Variants in CEP128 observed in about 807,000 individuals in gnomAD.
CEP128 encodes centrosomal protein 128, also known as centrosomal protein 128kDa.
CEP128 carries 132 observed loss-of-function variants against 156.7 expected under a neutral mutation model. That is an observed-to-expected ratio of 0.84 (90% confidence interval 0.73 to 0.97). CEP128 has a LOEUF of 0.97. Among genes scored for constraint, CEP128 ranks in the 50% least tolerant of loss-of-function variants. The probability of loss-of-function intolerance (pLI) is 0.00; values close to 1 mark genes in which losing one functional copy is unlikely to be tolerated. For synonymous variants in CEP128, 469 were observed against 448.9 expected (o/e 1.04, Z -0.57); for missense variants, 1,252 against 1,281.9 (o/e 0.98, Z 0.36).
intron 13 of CEP128, among the ~76,000 whole-genome samples, chr14:80,794,821 C>T (rs1001729912): frequency 6.6e-6 from 1 of 151,824 alleles, no homozygotes; most frequent in African/African-American, 2.4e-5. Context: ...CTATAGACTA[C>T]AATGTGGCTG....
intron 19 of CEP128, among the ~76,000 whole-genome samples, chr14:80,736,657 T>G (rs909034657): frequency 6.6e-6 from 1 of 152,200 alleles, no homozygotes; most frequent in Non-Finnish European, 1.5e-5. Context: ...TTGAAAATCT[T>G]TATCTCTAAA....
chr14:80,517,267 G>C (rs945136701), intron 23 of CEP128, among the ~76,000 whole-genome samples: 2 of 151,354 alleles, frequency 1.3e-5, no homozygotes, highest in Non-Finnish European at 2.9e-5. Flanking sequence ...GACTTACTTT[G>C]GGTTTAATTT....
chr14:80,815,493 G>A (rs994064035), intron 13 of CEP128, among the ~76,000 whole-genome samples: 9 of 152,128 alleles, frequency 5.9e-5, no homozygotes, highest in Non-Finnish European at 1.2e-4. Context: ...ACAACCTTAT[G>A]GATTGTAGTA....
intron 19 of CEP128, among the ~76,000 whole-genome samples, chr14:80,705,090 T>C (rs1249856577): frequency 2.0e-5 from 3 of 151,238 alleles, no homozygotes; most frequent in Non-Finnish European, 3.0e-5. Flanking sequence ...ATAATGCCTT[T>C]ATCCCACCAA....
At chr14:80,919,804 C>T (rs563690971) in intron 2 of CEP128, among the ~76,000 whole-genome samples, 1 of 152,230 alleles carries the variant, frequency 6.6e-6, no homozygotes, top group South Asian at 2.1e-4. Context: ...TTTACTAAGA[C>T]AGAATCACAA....
chr14:80,721,879 T>C (rs80111689), intron 19 of CEP128, among the ~76,000 whole-genome samples: 4,261 of 152,306 alleles, frequency 0.028, 85 homozygotes, highest in Non-Finnish European at 0.042. Context: ...TAGGCAAGTG[T>C]TTAAGTTAGT....
chr14:80,736,059 CT>C (rs1898512397), intron 19 of CEP128, among the ~76,000 whole-genome samples: 3 of 152,056 alleles, frequency 2.0e-5, no homozygotes, highest in African/African-American at 7.2e-5. Context: ...TTGTGGACAT[CT>C]TTTGGCAGAG....
At chr14:80,723,559 A>G (rs938299880) in intron 19 of CEP128, among the ~76,000 whole-genome samples, 7 of 152,354 alleles carry the variant, frequency 4.6e-5, no homozygotes, top group African/African-American at 1.7e-4. Context: ...ACCATAAATT[A>G]TAGAGGGAAA....
In CEP128 at chr14:80,559,298, C is replaced by T. The variant is rs780246010; in HGVS notation, c.2861G>A (p.Arg954His). 4.4e-5 allele frequency: 70 copies of T among 1,601,088 alleles called. No homozygotes were observed. Among genetic ancestry groups the T allele is most frequent in the Middle Eastern group, 1.7e-4 (1 of 6,054 alleles). The change falls in exon 21 of 25, where the codon CGT becomes CAT. Residue 954 changes from arginine (R) to histidine (H), a missense_variant. Physicochemically the swap from Arg to His is conservative, Grantham distance 29. Coordinates refer to ENST00000555265, the MANE Select transcript of CEP128 (RefSeq NM_152446.5). ...KDEEMGSLQDRVIALETSTQV... is the reference protein window; with the variant it reads ...KDEEMGSLQDHVIALETSTQV... ...ACTTACCGTTTCTAATGCAATTACA[C>T]GGTCCTGCAAAGAAAGCATAATATA...
intron 13 of CEP128, among the ~76,000 whole-genome samples, chr14:80,826,725 CT>C (rs1885501660): frequency 6.6e-6 from 1 of 152,188 alleles, no homozygotes. Flanking sequence ...TCAATTATCA[CT>C]TTCAACATTT....
chr14:80,898,181 A>G (rs1889436689), intron 7 of CEP128, among the ~76,000 whole-genome samples: 2 of 152,196 alleles, frequency 1.3e-5, no homozygotes, highest in Non-Finnish European at 2.9e-5. Context: ...TTATTATTCA[A>G]TGTATGTTTT....
intron 21 of CEP128, among the ~76,000 whole-genome samples, chr14:80,533,158 G>A (rs755365500): frequency 5.9e-5 from 9 of 152,034 alleles, no homozygotes; most frequent in Non-Finnish European, 1.2e-4. Context: ...CACCGTATAT[G>A]CCATATTCAT....
At chr14:80,632,519 T>A (rs2140734467) in intron 19 of CEP128, among the ~76,000 whole-genome samples, 1 of 149,040 alleles carries the variant, frequency 6.7e-6, no homozygotes, top group South Asian at 2.1e-4. Context: ...TAATGAAAAT[T>A]ACAATGTTAT....
upstream of CEP128, among the ~76,000 whole-genome samples, chr14:80,944,822 C>CAAAAAAA (rs55662141): frequency 2.3e-4 from 8 of 34,660 alleles, no homozygotes; most frequent in African/African-American, 2.4e-4. Flanking sequence ...GAGTCTGTCT[C>CAAAAAAA]AAAAAAAAAA....
At chr14:80,839,916 C>A (rs1184369888) in intron 10 of CEP128, among the ~76,000 whole-genome samples, 1 of 152,084 alleles carries the variant, frequency 6.6e-6, no homozygotes. Context: ...AACCAAAGCC[C>A]ATATTGATCA....
intron 19 of CEP128, among the ~76,000 whole-genome samples, chr14:80,637,420 C>T (rs372442912): frequency 5.3e-5 from 8 of 152,232 alleles, no homozygotes; most frequent in African/African-American, 1.7e-4. Context: ...AAAGATGAGA[C>T]CTTGAAAGGA....
chr14:80,861,477 T>C (rs1887508834), intron 9 of CEP128, among the ~76,000 whole-genome samples: 1 of 152,118 alleles, frequency 6.6e-6, no homozygotes, highest in African/African-American at 2.4e-5. Context: ...GATATGATAC[T>C]ATGGGAAGGA....
chr14:80,635,836 G>A (rs534803150), intron 19 of CEP128, among the ~76,000 whole-genome samples: 6 of 152,244 alleles, frequency 3.9e-5, no homozygotes, highest in Non-Finnish European at 5.9e-5. Context: ...ACCTGACTTC[G>A]TGATAGGCTG....
intron 17 of CEP128, among the ~76,000 whole-genome samples, chr14:80,759,704 T>G (rs535646623): frequency 6.6e-6 from 1 of 152,256 alleles, no homozygotes; most frequent in East Asian, 1.9e-4. Flanking sequence ...GGGGAAGAAG[T>G]GTAAAACCCA....
Sources: gnomAD v4.1 joint callset for allele counts (sites outside exome capture counted in the v4.1 genomes callset) on GRCh38, gnomAD v4.1.1 for gene constraint, MANE v1.5 for transcripts, NCBI Gene and HGNC (gene_info 2026-07-23, HGNC 2026-07-21) for gene names.